The following UGT1A6 variants were observed in gnomAD, a reference collection of about 807,000 sequenced individuals.
UGT1A6 encodes the protein UDP glucuronosyltransferase family 1 member A6, also known as UDP-glucuronosyltransferase 1A6.
Under a neutral mutation model 44.4 loss-of-function variants are expected in UGT1A6, and 32 were observed. The observed-to-expected ratio is 0.72, with a 90% confidence interval of 0.54 to 0.97. The LOEUF (loss-of-function observed/expected upper bound fraction) is 0.97. Among genes scored for constraint, UGT1A6 ranks in the 50% least tolerant of loss-of-function variants. The pLI is 0.00. For missense variants in UGT1A6, 685 were observed against 661.9 expected, an observed-to-expected ratio of 1.03 and a Z score of -0.38; for synonymous variants, 238 against 248.5, an observed-to-expected ratio of 0.96 and a Z score of 0.40.
rs771390950 is a variant in UGT1A6, at chr2:233,729,756, G to T, written c.861+35891G>T. The T allele has an allele frequency of 1.9e-6, 3 of 1,613,874 alleles. No individual in the cohort carries two copies. The South Asian group carries it at 3.3e-5, about 18-fold the overall frequency. On this transcript the variant is annotated intron_variant, in intron 1 of 4. Transcript: ENST00000305139. ...CAGACCACATGACATTCATGCAAAG[G>T]GTCAAGAACATGCTCTACCCTCTGG... is the stretch of plus-strand genomic sequence containing the variant.
intron 1 of UGT1A6, among the ~76,000 whole-genome samples, chr2:233,763,457 A>G (rs1297743892): frequency 6.6e-6 from 1 of 152,174 alleles, no homozygotes; most frequent in African/African-American, 2.4e-5. Context: ...GCCTATTTGA[A>G]TCTAACAATT....
At chr2:233,716,367 TG>T (rs1364638273) in intron 1 of UGT1A6, among the ~76,000 whole-genome samples, 9 of 152,348 alleles carry the variant, frequency 5.9e-5, no homozygotes, top group African/African-American at 2.2e-4. Flanking sequence ...TTTGTGGGGC[TG>T]TGATTCTGCC....
In UGT1A6 at chr2:233,693,946, CTG is replaced by C. The variant is rs2075190612; in HGVS notation, c.861+83_861+84del. The C allele has an allele frequency of 2.5e-6, 4 of 1,598,736 alleles. No individual in the cohort carries two copies. The Admixed American group carries it at 6.8e-5, about 27-fold the overall frequency. The stretch of plus-strand genomic sequence containing the variant: ...TCACTCATTTGGCTCCTTGAGCCGA[CTG>C]TCCCTTGGAGGATTTCCTGGAGAAA... On this transcript the variant is annotated intron_variant, in intron 1 of 4. Coordinates refer to ENST00000305139, the MANE Select transcript of UGT1A6 (RefSeq NM_001072.4).
chr2:233,747,372 A>G (rs1321135438), intron 1 of UGT1A6: 1 of 1,604,206 alleles, frequency 6.2e-7, no homozygotes, highest in African/African-American at 1.3e-5. Flanking sequence ...GCTCCATGCC[A>G]GAGGCCACCA....
chr2:233,766,944 A>T (rs1699286381), intron 1 of UGT1A6, 90 bp from the exon 2 acceptor site: 1 of 1,597,452 alleles, frequency 6.3e-7, no homozygotes, highest in Non-Finnish European at 8.5e-7. Context: ...TCATAGTCTT[A>T]AGAGGAAGAT....
chr2:233,761,145 A>T, intron 1 of UGT1A6: 4 of 1,614,244 alleles, frequency 2.5e-6, no homozygotes, highest in Non-Finnish European at 3.4e-6. Flanking sequence ...AAAATCCACT[A>T]TCCCAGGTGT....
At chr2:233,764,036 G>T (rs905956037) in intron 1 of UGT1A6, among the ~76,000 whole-genome samples, 5 of 152,136 alleles carry the variant, frequency 3.3e-5, no homozygotes, top group Non-Finnish European at 7.4e-5. Flanking sequence ...TGCTAAAGAA[G>T]AATTCTGGGA....
At chr2:233,757,537 T>TAAATATACATATAC (rs1696591664) in intron 1 of UGT1A6, among the ~76,000 whole-genome samples, 2 of 107,778 alleles carry the variant, frequency 1.9e-5, no homozygotes, top group African/African-American at 9.3e-5. Context: ...CTGTAAGGAA[T>TAAATATACATATAC]ATATATATAT....
At chr2:233,710,699 G>A (rs1196566997) in intron 1 of UGT1A6, among the ~76,000 whole-genome samples, 1 of 152,144 alleles carries the variant, frequency 6.6e-6, no homozygotes, top group Non-Finnish European at 1.5e-5. Context: ...CTGGTGTGTG[G>A]TGTCCTTTGT....
At chr2:233,768,494 T>A in intron 4 of UGT1A6, 55 bp downstream of exon 4, 1 of 1,575,098 alleles carries the variant, frequency 6.3e-7, no homozygotes, top group Non-Finnish European at 8.6e-7. Context: ...GATAAAATTG[T>A]TTCAAATATG....
At chr2:233,712,440 C>T (rs2013021) in intron 1 of UGT1A6, among the ~76,000 whole-genome samples, 15,570 of 152,162 alleles carry the variant, frequency 0.1, 916 homozygotes, top group East Asian at 0.2. Context: ...GTGTGAAAAA[C>T]GACCAAAACC....
intron 1 of UGT1A6, among the ~76,000 whole-genome samples, chr2:233,745,444 A>G (rs1693107566): frequency 6.6e-6 from 1 of 151,758 alleles, no homozygotes; most frequent in Non-Finnish European, 1.5e-5. Flanking sequence ...ATACACTAGT[A>G]AAGGTCACTC....
intron 1 of UGT1A6, among the ~76,000 whole-genome samples, chr2:233,704,417 A>G (rs2075786654): frequency 1.3e-5 from 2 of 151,970 alleles, no homozygotes; most frequent in Admixed American, 6.6e-5. Context: ...ATTTATACCA[A>G]CTTAATTCCA....
intron 1 of UGT1A6, chr2:233,729,523 C>T (rs753472390): frequency 6.2e-7 from 1 of 1,614,202 alleles, no homozygotes; most frequent in Non-Finnish European, 8.5e-7. Context: ...GGAGCTACTA[C>T]ATAATGAGGC....
intron 1 of UGT1A6, chr2:233,752,303 GC>G (rs1430654409): frequency 6.6e-6 from 1 of 152,154 alleles, no homozygotes; most frequent in Non-Finnish European, 1.5e-5. Context: ...GCCTTTCCTT[GC>G]CCGGTGTGCT....
At chr2:233,714,923 C>A (rs532200319) in intron 1 of UGT1A6, among the ~76,000 whole-genome samples, 1 of 152,298 alleles carries the variant, frequency 6.6e-6, no homozygotes, top group Admixed American at 6.5e-5. Context: ...GTCACCCAGT[C>A]TGGAGTGCAG....
intron 1 of UGT1A6, among the ~76,000 whole-genome samples, chr2:233,715,259 C>G (rs2076441984): frequency 6.6e-6 from 1 of 152,152 alleles, no homozygotes; most frequent in African/African-American, 2.4e-5. Context: ...AAAAAATCCC[C>G]TTACATAACA....
chr2:233,707,105 C>A lies in UGT1A6; in HGVS notation c.861+13240C>A, dbSNP rs183320889. Among the ~76,000 whole-genome samples the A allele has an allele frequency of 2.6e-5, 4 of 152,218 alleles. No homozygotes were observed. The East Asian group carries it at 7.7e-4, about 29-fold the overall frequency. On this transcript the variant is annotated intron_variant, in intron 1 of 4. Transcript: ENST00000305139. ...CACTTTGCATGGCAGCTGAGGGACC[C>A]CCAAAATACTCTGCATTAGGCTTTC...
intron 1 of UGT1A6, chr2:233,713,829 A>G (rs1484751529): frequency 1.2e-6 from 2 of 1,613,982 alleles, no homozygotes; most frequent in African/African-American, 2.7e-5. Context: ...TGGGGGCATC[A>G]ACTGTGCCAA....
Sources: gnomAD v4.1 joint callset for allele counts (sites outside exome capture counted in the v4.1 genomes callset) on GRCh38, gnomAD v4.1.1 for gene constraint, MANE v1.5 for transcripts, NCBI Gene and HGNC (gene_info 2026-07-23, HGNC 2026-07-21) for gene names.